Variants in EYS observed in about 807,000 individuals in gnomAD.
EYS encodes the protein EGF-like photoreceptor maintenance factor, also known as protein eyes shut homolog.
A neutral mutation model predicts 282.1 loss-of-function variants in EYS; 250 were observed. The ratio of observed to expected loss-of-function variants is 0.89; its 90% CI spans 0.80 to 0.98. EYS has a LOEUF of 0.98. EYS is among the 50% of genes least tolerant of loss of function. The pLI is 0.00. For missense variants in EYS, 4,016 were observed against 3,709.0 expected (o/e 1.08, Z -2.15); for synonymous variants, 1,355 against 1,282.9 (o/e 1.06, Z -1.20).
chr6:64,545,222 A>T (rs1369124922), intron 26 of EYS, among the ~76,000 whole-genome samples: 6 of 152,234 alleles, frequency 3.9e-5, no homozygotes, highest in African/African-American at 1.4e-4. Context: ...CAACATACGC[A>T]AATCAATAAA....
Position 65,640,016 on chromosome 6 carries a change from T to C in EYS, c.-447-124A>G, listed in dbSNP as rs549961785. The C allele has an allele frequency of 1.2e-4, 18 of 152,306 alleles. No individual in the cohort carries two copies. In the South Asian group the frequency reaches 3.7e-3, roughly 32 times the overall value. The allele number at this position is 152,306 out of a possible 1,614,324, so 9.4% of individuals were successfully genotyped here. ...TTCAGATTAGCCAGTATCCTGCCTT[T>C]AGCTATAGTCCTACATTTATTGTCT... On this transcript the variant is annotated intron_variant, in intron 1 of 42. Transcript: ENST00000503581.
At chr6:64,237,127 G>C (rs1262692090) in intron 30 of EYS, among the ~76,000 whole-genome samples, 1 of 151,982 alleles carries the variant, frequency 6.6e-6, no homozygotes, top group Non-Finnish European at 1.5e-5. Context: ...ATTTTTTGCT[G>C]TTTAACAGCC....
At chr6:65,119,151 T>G (rs1775457887) in intron 12 of EYS, among the ~76,000 whole-genome samples, 1 of 152,210 alleles carries the variant, frequency 6.6e-6, no homozygotes, top group Non-Finnish European at 1.5e-5. Context: ...AGTTTATGTA[T>G]TACTTTTATA....
chr6:65,454,095 A>T (rs577610559), intron 5 of EYS, among the ~76,000 whole-genome samples: 27 of 98,494 alleles, frequency 2.7e-4, no homozygotes, highest in African/African-American at 7.9e-4. Context: ...TTTTTGAGGA[A>T]CTTCTATACT....
rs3042394 is a variant in EYS at position 65,263,703 on chromosome 6, C to CTGTGTGTGTGTGTGTGTGTG, written c.2023+32140_2023+32159dup. ...CCTAAAAAGCAAAAACAAGGCAAAG[C>CTGTGTGTGTGTGTGTGTGTG]TGTGTGTGTGTGTGTGTGTGTGTGT... On this transcript the variant is annotated intron_variant, in intron 12 of 42. Transcript: ENST00000503581. 4.1e-3 allele frequency among the ~76,000 whole-genome samples: 581 copies of CTGTGTGTGTGTGTGTGTGTG among 141,380 alleles called. 2 individuals are homozygous for CTGTGTGTGTGTGTGTGTGTG. Among genetic ancestry groups the CTGTGTGTGTGTGTGTGTGTG allele is most frequent in the African/African-American group, 8.2e-3 (318 of 38,564 alleles). The allele number at this position is 141,380 out of a possible 152,430, so 92.8% of individuals were successfully genotyped here.
rs1451969697 is a variant in EYS at position 64,590,434 on chromosome 6, A to G, written c.5433T>C (p.Ser1811=). The G allele has an allele frequency of 2.8e-5, 44 of 1,551,336 alleles. No homozygotes were observed. The highest frequency in any genetic ancestry group is 3.7e-5 in the Non-Finnish European group (42 of 1,146,790). The change falls in exon 26 of 43, where the codon TCT becomes TCC. Residue 1811 remains serine (S), a synonymous_variant. Coordinates refer to ENST00000503581, the MANE Select transcript of EYS (RefSeq NM_001142800.2). ...ALSIQTSSSM[S]VIRPDWPYFT... is the part of the protein sequence containing the mutation. ...AATATGGCCAATCTGGCCTAATTACAGACATGGAGGAAGACGTCTGTATTG... is the reference window on the plus strand; with the variant it reads ...AATATGGCCAATCTGGCCTAATTACGGACATGGAGGAAGACGTCTGTATTG...
intron 5 of EYS, among the ~76,000 whole-genome samples, chr6:65,443,029 CAT>C (rs1326039709): frequency 5.0e-5 from 7 of 139,276 alleles, no homozygotes; most frequent in East Asian, 2.3e-4. Flanking sequence ...AATATACACA[CAT>C]ATATACACAG....
At chr6:65,668,670 T>C (rs954867908) in intron 1 of EYS, among the ~76,000 whole-genome samples, 4 of 151,940 alleles carry the variant, frequency 2.6e-5, no homozygotes, top group Admixed American at 6.6e-5. Flanking sequence ...TACTGAGTCA[T>C]ATCTGTCTCT....
intron 18 of EYS, among the ~76,000 whole-genome samples, chr6:64,899,825 T>C (rs1388878186): frequency 6.6e-6 from 1 of 152,100 alleles, no homozygotes; most frequent in African/African-American, 2.4e-5. Flanking sequence ...ACAGATTCAG[T>C]GCTATTCCCA....
At chr6:65,009,635 A>G (rs888579000) in intron 13 of EYS, among the ~76,000 whole-genome samples, 8 of 152,196 alleles carry the variant, frequency 5.3e-5, no homozygotes, top group Non-Finnish European at 1.2e-4. Context: ...ACTTGAGTCA[A>G]TTCTCATACC....
At chr6:64,776,282 G>C (rs1456546991) in intron 22 of EYS, among the ~76,000 whole-genome samples, 1 of 151,984 alleles carries the variant, frequency 6.6e-6, no homozygotes. Flanking sequence ...CCTGGCTTAT[G>C]AAGTTTCACA....
At chr6:65,655,223 T>G (rs1767779343) in intron 1 of EYS, among the ~76,000 whole-genome samples, 1 of 151,680 alleles carries the variant, frequency 6.6e-6, no homozygotes, top group Non-Finnish European at 1.5e-5. Context: ...TCTCAATAAT[T>G]TATTTAAATA....
intron 39 of EYS, among the ~76,000 whole-genome samples, chr6:63,779,741 C>CTTTT (rs148280923): frequency 7.5e-6 from 1 of 133,956 alleles, no homozygotes; most frequent in Non-Finnish European, 1.6e-5. Flanking sequence ...AAAAAGCTTT[C>CTTTT]TTTTTCTTTT....
chr6:64,021,328 A>T (rs1049731530), intron 33 of EYS, among the ~76,000 whole-genome samples: 1 of 151,496 alleles, frequency 6.6e-6, no homozygotes, highest in African/African-American at 2.4e-5. Context: ...GACTGGGGGG[A>T]GTTTGCTTCC....
chr6:64,091,514 T>G (rs561588882), intron 31 of EYS, among the ~76,000 whole-genome samples: 38 of 152,234 alleles, frequency 2.5e-4, no homozygotes, highest in African/African-American at 8.9e-4. Context: ...TTGCAGAGTT[T>G]TATTAAGAAA....
chr6:64,661,273 C>T (rs907568599), intron 22 of EYS, among the ~76,000 whole-genome samples: 1 of 152,110 alleles, frequency 6.6e-6, no homozygotes, highest in Non-Finnish European at 1.5e-5. Context: ...AGACCTGAAA[C>T]CATAAAAACC....
chr6:64,584,180 A>C (rs1397886864), intron 26 of EYS, among the ~76,000 whole-genome samples: 1 of 152,026 alleles, frequency 6.6e-6, no homozygotes, highest in Non-Finnish European at 1.5e-5. Flanking sequence ...AGTATATAGT[A>C]ATATGTAAAG....
At chr6:63,937,782 G>A (rs1415007859) in intron 35 of EYS, among the ~76,000 whole-genome samples, 1 of 152,086 alleles carries the variant, frequency 6.6e-6, no homozygotes, top group Non-Finnish European at 1.5e-5. Flanking sequence ...ATTTTGGTGG[G>A]TAATATGAGA....
chr6:65,495,162 T>A lies in EYS; in HGVS notation c.249A>T (p.Gln83His). The change falls in exon 4 of 43, where the codon CAA becomes CAT. Residue 83 changes from glutamine to histidine, a missense_variant. Gln to His is a conservative substitution (Grantham distance 24). Transcript: ENST00000503581. Reference sequence around the variant, plus strand: ...AAGAAATTACAAGGATATCTCCTAATTGAATTTGCAAAGGGCAAATCTGGG... The same window carrying A: ...AAGAAATTACAAGGATATCTCCTAAATGAATTTGCAAAGGGCAAATCTGGG... ...AVPQICPLQI[Q>H]LGDILVISSE... 6.2e-7 allele frequency: 1 copy of A among 1,614,050 alleles called. No homozygotes were observed. Among genetic ancestry groups the A allele is most frequent in the East Asian group, 2.2e-5 (1 of 44,884 alleles).
Sources: allele counts gnomAD v4.1 joint callset (sites outside exome capture counted in the v4.1 genomes callset), GRCh38; gene constraint gnomAD v4.1.1; transcripts MANE v1.5; gene names NCBI Gene and HGNC (gene_info 2026-07-23, HGNC 2026-07-21).